Variants in C8B observed in about 807,000 individuals in gnomAD.
The protein encoded by C8B is complement component C8 beta chain.
Under a neutral mutation model 64.6 loss-of-function variants are expected in C8B, and 67 were observed. The ratio of observed to expected loss-of-function variants is 1.04; its 90% CI spans 0.85 to 1.27. C8B has a LOEUF of 1.27. C8B is among the 50% of genes most tolerant of loss of function. The pLI is 0.00. For synonymous variants in C8B, 284 were observed against 257.7 expected (o/e 1.10, Z -0.98); for missense variants, 790 against 725.2 (o/e 1.09, Z -1.03).
intron 6 of C8B, among the ~76,000 whole-genome samples, chr1:56,948,859 T>C (rs1644980179): frequency 6.6e-6 from 1 of 152,174 alleles, no homozygotes; most frequent in South Asian, 2.1e-4. Context: ...GTCAAATTCC[T>C]GTGGGCTAAA....
chr1:56,947,584 C>T (rs1644959624), intron 6 of C8B, among the ~76,000 whole-genome samples: 1 of 152,124 alleles, frequency 6.6e-6, no homozygotes, highest in Admixed American at 6.6e-5. Context: ...TTGCATTGTA[C>T]TTGCTTGCAT....
chr1:56,948,555 G>C (rs192669351), intron 6 of C8B, among the ~76,000 whole-genome samples: 4 of 152,192 alleles, frequency 2.6e-5, no homozygotes, highest in Non-Finnish European at 5.9e-5. Context: ...GTTTAACCAA[G>C]AGGTTAGAAG....
chr1:56,949,295 TA>T (rs955856786), intron 6 of C8B, among the ~76,000 whole-genome samples: 2 of 152,144 alleles, frequency 1.3e-5, no homozygotes, highest in African/African-American at 4.8e-5. Context: ...GGGCTCCTGA[TA>T]AAAGAATGAA....
chr1:56,946,154 G>C (rs1431141551), intron 6 of C8B, 93 bp from the exon 7 acceptor site: 22 of 1,464,110 alleles, frequency 1.5e-5, no homozygotes, highest in Non-Finnish European at 2.8e-6. Context: ...CGATGTTCTT[G>C]GCCTGGGGTC....
Position 56,931,823 on chromosome 1 carries a change from G to A in C8B, c.1608C>T (p.Val536=). The A allele has an allele frequency of 6.2e-7, 1 of 1,610,058 alleles. No homozygotes were observed. ...PVGSQGLACE[V]SYRKNTPIDG... is the part of the protein sequence containing the mutation. ...CAATTAACTTACTCTTCCGATAGGA[G>A]ACCTCACAGGCTAGGCCTTGGGATC... Residue 536 remains valine (V), a synonymous_variant, in exon 11 of 12, where the codon GTC becomes GTT. Coordinates refer to ENST00000371237, the MANE Select transcript of C8B (RefSeq NM_000066.4).
At chr1:56,932,065 G>T (rs612563) in intron 10 of C8B, among the ~76,000 whole-genome samples, 187 bp from the exon 11 acceptor site, 7 of 152,094 alleles carry the variant, frequency 4.6e-5, no homozygotes, top group South Asian at 2.1e-4. Flanking sequence ...TGCCACGAAG[G>T]GGTGTTTATT....
At chr1:56,941,704 G>A (rs1411079584) in intron 8 of C8B, among the ~76,000 whole-genome samples, 1 of 152,220 alleles carries the variant, frequency 6.6e-6, no homozygotes, top group Non-Finnish European at 1.5e-5. Flanking sequence ...GAATTGTTAA[G>A]TGACTTGCCA....
intron 5 of C8B, among the ~76,000 whole-genome samples, chr1:56,951,719 C>G (rs1024405070): frequency 5.3e-5 from 8 of 152,182 alleles, no homozygotes; most frequent in African/African-American, 1.9e-4. Flanking sequence ...GATAGGAAAA[C>G]AGAGGCTCAT....
At chr1:56,934,591 T>TAATAGA (rs1391843093) in intron 9 of C8B, among the ~76,000 whole-genome samples, 1 of 152,228 alleles carries the variant, frequency 6.6e-6, no homozygotes, top group African/African-American at 2.4e-5. Context: ...AGGGTACGTC[T>TAATAGA]AAATGCAGGC....
chr1:56,949,273 TA>T (rs1644986228), intron 6 of C8B, among the ~76,000 whole-genome samples: 1 of 152,188 alleles, frequency 6.6e-6, no homozygotes, highest in Non-Finnish European at 1.5e-5. Flanking sequence ...GAGGGTTAGT[TA>T]TCGTAGGAGT....
Position 56,949,005 on chromosome 1 carries a change from G to A in C8B, c.864+550C>T, listed in dbSNP as rs1167159321. On this transcript the variant is annotated intron_variant, in intron 6 of 11. Transcript: ENST00000371237. ...CCTGGTCTCTCTAAAAAGTAAGTTA[G>A]CTATTTTTTTTTTTTGAGAAGATTT... Among the ~76,000 whole-genome samples the A allele has an allele frequency of 3.9e-5, 5 of 129,666 alleles. 1 individual carries two copies. In the South Asian group the frequency reaches 9.9e-4, roughly 26 times the overall value. The allele number at this position is 129,666 out of a possible 152,430, so 85.1% of individuals were successfully genotyped here.
In C8B at chr1:56,949,850, T is replaced by C. The variant is rs961169662; in HGVS notation, c.667-98A>G. ...CACTCTACTCCTACCATGTGCTGGA[T>C]ACTGAACTAGATGCTCTGGATACAG... On this transcript the variant is annotated intron_variant, in intron 5 of 11. Coordinates refer to ENST00000371237, the MANE Select transcript of C8B (RefSeq NM_000066.4). 1.1e-5 allele frequency: 9 copies of C among 838,668 alleles called. No homozygotes were observed. In the African/African-American group the frequency reaches 1.2e-4, roughly 11 times the overall value. The allele number at this position is 838,668 out of a possible 1,614,324, so 52.0% of individuals were successfully genotyped here.
intron 1 of C8B, among the ~76,000 whole-genome samples, chr1:56,960,382 C>CTTAA (rs767500933): frequency 6.6e-6 from 1 of 152,022 alleles, no homozygotes; most frequent in Admixed American, 6.6e-5. Flanking sequence ...AATTCCATTC[C>CTTAA]TTAATTAATT....
intron 9 of C8B, among the ~76,000 whole-genome samples, chr1:56,940,226 A>G (rs961817455): frequency 3.3e-5 from 5 of 152,132 alleles, no homozygotes; most frequent in African/African-American, 1.2e-4. Context: ...AATTGATTAA[A>G]TTTAATTGAT....
chr1:56,938,396 G>C (rs1188102944), intron 9 of C8B, among the ~76,000 whole-genome samples: 1 of 152,144 alleles, frequency 6.6e-6, no homozygotes, highest in African/African-American at 2.4e-5. Flanking sequence ...CTTTTCATCT[G>C]ATTAGTGTCT....
chr1:56,955,433 A>G (rs1645088690), intron 3 of C8B, among the ~76,000 whole-genome samples: 1 of 152,146 alleles, frequency 6.6e-6, no homozygotes, highest in South Asian at 2.1e-4. Flanking sequence ...AATTATTTGC[A>G]TCCCTTTTGC....
At chr1:56,949,887 C>T in intron 5 of C8B, 135 bp from the exon 6 acceptor site, 1 of 696,344 alleles carries the variant, frequency 1.4e-6, no homozygotes, top group Non-Finnish European at 2.5e-6. Flanking sequence ...GAAATCAGGG[C>T]CGATTTGTGT....
At chr1:56,964,357 T>A (rs1410343638) in intron 1 of C8B, among the ~76,000 whole-genome samples, 1 of 152,126 alleles carries the variant, frequency 6.6e-6, no homozygotes, top group Non-Finnish European at 1.5e-5. Flanking sequence ...TACTCCAGCA[T>A]CCCCCAACTC....
At chr1:56,931,721 C>T (rs1317908604) in intron 11 of C8B, 89 bp downstream of exon 11, 2 of 848,358 alleles carry the variant, frequency 2.4e-6, no homozygotes, top group Non-Finnish European at 3.9e-6. Context: ...TTCCTAGTAT[C>T]CAGCCCCACA....
Sources: gnomAD v4.1 joint callset for allele counts (sites outside exome capture counted in the v4.1 genomes callset) on GRCh38, gnomAD v4.1.1 for gene constraint, MANE v1.5 for transcripts, NCBI Gene and HGNC (gene_info 2026-07-23, HGNC 2026-07-21) for gene names.